ARFGEF1: variants seen among roughly 807,000 people sequenced by gnomAD.
The protein encoded by ARFGEF1 is ARF guanine nucleotide exchange factor 1.
ARFGEF1 carries 42 observed loss-of-function variants against 231.0 expected under a neutral mutation model. That is an observed-to-expected ratio of 0.18 (90% CI 0.14 to 0.24). The LOEUF (loss-of-function observed/expected upper bound fraction) is 0.24, where lower values mean the gene tolerates loss of function less well. Among genes scored for constraint, ARFGEF1 ranks in the 10% least tolerant of loss-of-function variants. The pLI is 1.00. For missense variants in ARFGEF1, 1,345 were observed against 2,192.0 expected, an observed-to-expected ratio of 0.61 and a Z score of 7.72; for synonymous variants, 710 against 732.3, an observed-to-expected ratio of 0.97 and a Z score of 0.49.
intron 17 of ARFGEF1, among the ~76,000 whole-genome samples, chr8:67,255,634 A>T: frequency 6.6e-6 from 1 of 152,228 alleles, no homozygotes. Context: ...ATCTAAATCA[A>T]CTGAGGCCAA....
chr8:67,287,234 G>A (rs921649510), intron 7 of ARFGEF1, among the ~76,000 whole-genome samples: 1 of 152,104 alleles, frequency 6.6e-6, no homozygotes, highest in Non-Finnish European at 1.5e-5. Context: ...CCTTCCTTCT[G>A]GTATCCTGGA....
intron 7 of ARFGEF1, among the ~76,000 whole-genome samples, chr8:67,279,310 T>C (rs1805440489): frequency 6.6e-6 from 1 of 152,156 alleles, no homozygotes; most frequent in African/African-American, 2.4e-5. Context: ...ACTACTTAGC[T>C]AAAAATCAGG....
chr8:67,190,062 CAATTTCATTTCTGGTTCTATA>C (rs1835792071), intron 5 of ARFGEF1, among the ~76,000 whole-genome samples: 3 of 152,160 alleles, frequency 2.0e-5, no homozygotes, highest in African/African-American at 7.2e-5. Flanking sequence ...TAATACCCAG[CAATTTCATTTCTGGTTCTATA>C]ACCCAAAGAA....
Position 67,278,697 on chromosome 8 carries a change from T to A in ARFGEF1, c.1028-1240A>T, listed in dbSNP as rs12680892. 2.5e-3 allele frequency among the ~76,000 whole-genome samples: 381 copies of A among 151,846 alleles called. 11 individuals carry two copies. The East Asian group carries it at 0.063, about 25-fold the overall frequency. On this transcript the variant is annotated intron_variant, in intron 7 of 38. Transcript: ENST00000262215. The stretch of plus-strand genomic sequence containing the variant: ...CTCGTCTCTACTAAAAATACAAAAA[T>A]AAGCTGGGCACGGTGGCGGGTGCCT...
At chr8:67,193,382 G>GC, downstream of ARFGEF1, 1 of 1,259,178 alleles carries the variant, frequency 7.9e-7, no homozygotes, top group Middle Eastern at 1.9e-4. Flanking sequence ...CAGGTGATAG[G>GC]CACCATGCCT....
At chr8:67,325,890 T>A (rs529849917) in intron 1 of ARFGEF1, among the ~76,000 whole-genome samples, 1 of 152,088 alleles carries the variant, frequency 6.6e-6, no homozygotes, top group East Asian at 1.9e-4. Context: ...GAATATGAAA[T>A]ATGAGAAAAA....
At position 67,287,996 on chromosome 8, in the gene ARFGEF1, A is replaced by T. The variant is rs1805831527; in HGVS notation, c.986T>A (p.Val329Glu). 1 of 1,607,862 alleles carries T rather than the reference A, an allele frequency of 6.2e-7. No homozygotes were observed. Among genetic ancestry groups the T allele is most frequent in the Non-Finnish European group, 8.5e-7 (1 of 1,178,186 alleles). The change falls in exon 7 of 39, where the codon GTA becomes GAA. Residue 329 changes from valine (V) to glutamate (E), a missense_variant. Around this residue, in one of 14 missense-constraint regions of ARFGEF1, gnomAD observed 398 missense variants for 463.2 expected, o/e 0.86. Coordinates refer to ENST00000262215, the MANE Select transcript of ARFGEF1 (RefSeq NM_006421.5). ...HDCEEKPQDI[V>E]QNIVEEMVNI... is the part of the protein sequence containing the mutation. ...CACCATTTCTTCTACAATGTTCTGTACAATGTCTTGTGGCTTTTCCTCACA... is the reference window on the plus strand; with the variant it reads ...CACCATTTCTTCTACAATGTTCTGTTCAATGTCTTGTGGCTTTTCCTCACA...
chr8:67,197,617 A>G (rs1246191238), downstream of ARFGEF1: 1 of 985,570 alleles, frequency 1.0e-6, no homozygotes, highest in Non-Finnish European at 1.2e-6. Context: ...TTCAGCCTTA[A>G]TAGACCAGAA....
At chr8:67,186,916 A>G (rs1455637088) in intron 5 of ARFGEF1, among the ~76,000 whole-genome samples, 2 of 152,188 alleles carry the variant, frequency 1.3e-5, no homozygotes, top group African/African-American at 2.4e-5. Context: ...TAAAAACACA[A>G]TACCACTTAC....
chr8:67,342,458 C>T (rs1270825155), intron 1 of ARFGEF1, among the ~76,000 whole-genome samples: 1 of 152,082 alleles, frequency 6.6e-6, no homozygotes, highest in Non-Finnish European at 1.5e-5. Flanking sequence ...CATTTCAAAC[C>T]CTCCCTTCCC....
At chr8:67,285,211 T>C (rs1282160746) in intron 7 of ARFGEF1, among the ~76,000 whole-genome samples, 2 of 152,012 alleles carry the variant, frequency 1.3e-5, no homozygotes, top group African/African-American at 4.8e-5. Flanking sequence ...GCAAGGATCA[T>C]CAATGGGTGC....
chr8:67,200,838 G>T (rs73693135), intron 37 of ARFGEF1, among the ~76,000 whole-genome samples: 1 of 152,066 alleles, frequency 6.6e-6, no homozygotes, highest in South Asian at 2.1e-4. Flanking sequence ...AATCTGAGGC[G>T]ACTCCTCTCT....
intron 22 of ARFGEF1, among the ~76,000 whole-genome samples, chr8:67,235,340 C>T (rs1028050827): frequency 9.2e-5 from 14 of 151,814 alleles, no homozygotes; most frequent in African/African-American, 3.1e-4. Context: ...AAAGGCTTCA[C>T]GTATGATGAA....
intron 1 of ARFGEF1, among the ~76,000 whole-genome samples, chr8:67,311,310 G>A (rs1165475827): frequency 1.5e-4 from 18 of 118,494 alleles, no homozygotes; most frequent in South Asian, 8.6e-4. Context: ...CCCCCCGCCC[G>A]GCCAGCTGCC....
At chr8:67,179,843 T>C (rs1194606720) in intron 5 of ARFGEF1, 3 of 1,550,718 alleles carry the variant, frequency 1.9e-6, no homozygotes, top group South Asian at 1.1e-5. Flanking sequence ...AAAATAGTCA[T>C]TGAAACATGT....
intron 1 of ARFGEF1, among the ~76,000 whole-genome samples, chr8:67,320,149 G>T (rs1296063010): frequency 6.7e-6 from 1 of 150,140 alleles, no homozygotes; most frequent in Non-Finnish European, 1.5e-5. Context: ...CTTGAACCTG[G>T]GGTGGCGGAG....
chr8:67,297,799 CG>C (rs1214866504), intron 4 of ARFGEF1, among the ~76,000 whole-genome samples: 3 of 135,730 alleles, frequency 2.2e-5, no homozygotes, highest in Non-Finnish European at 3.2e-5. Flanking sequence ...ATGATCAACC[CG>C]TTTTTTTTTT....
rs1004840374 is a variant in ARFGEF1, at chr8:67,186,881, A to G, written c.561-11309T>C. Among the ~76,000 whole-genome samples the G allele has an allele frequency of 7.9e-5, 12 of 152,234 alleles. No individual in the cohort carries two copies. In the East Asian group the frequency reaches 2.1e-3, roughly 27 times the overall value. On this transcript the variant is annotated intron_variant, in intron 5 of 5. Transcript: ENST00000518789. The stretch of plus-strand genomic sequence containing the variant: ...TCACTTTACAATATGCCAGCAATGT[A>G]CAAGTGAAATTTGAAATTAAAAATT...
chr8:67,282,758 G>A (rs1204299445), intron 7 of ARFGEF1, among the ~76,000 whole-genome samples: 2 of 150,628 alleles, frequency 1.3e-5, no homozygotes, highest in Non-Finnish European at 2.9e-5. Flanking sequence ...TGAAGAAGAA[G>A]AACTGCTTGA....
Sources: gnomAD v4.1 joint callset for allele counts (sites outside exome capture counted in the v4.1 genomes callset) on GRCh38, gnomAD v4.1.1 for gene constraint, gnomAD v4.1.1 regional missense constraint, MANE v1.5 for transcripts, NCBI Gene and HGNC (gene_info 2026-07-23, HGNC 2026-07-21) for gene names.